LRBA: variants seen among roughly 807,000 people sequenced by gnomAD.
LRBA encodes lipopolysaccharide-responsive and beige-like anchor protein.
LRBA carries 176 observed loss-of-function variants against 330.0 expected under a neutral mutation model. The ratio of observed to expected loss-of-function variants is 0.53; its 90% CI spans 0.47 to 0.60. LRBA has a LOEUF of 0.60. Among genes scored for constraint, LRBA ranks in the 20% least tolerant of loss-of-function variants. LRBA has a pLI of 0.00. For synonymous variants in LRBA, 1,230 were observed against 1,193.0 expected, an observed-to-expected ratio of 1.03 and a Z score of -0.64; for missense variants, 3,259 against 3,444.8, an observed-to-expected ratio of 0.95 and a Z score of 1.35.
At chr4:150,544,193 T>A (rs1765611735) in intron 40 of LRBA, among the ~76,000 whole-genome samples, 1 of 151,952 alleles carries the variant, frequency 6.6e-6, no homozygotes, top group African/African-American at 2.4e-5. Flanking sequence ...AGTGGTACGA[T>A]CTCGGCTCAC....
At chr4:150,927,508 A>G (rs1315993750) in intron 4 of LRBA, among the ~76,000 whole-genome samples, 1 of 152,184 alleles carries the variant, frequency 6.6e-6, no homozygotes, top group Admixed American at 6.5e-5. Context: ...AATAAAGCAC[A>G]AAAAGATTAA....
chr4:150,726,986 A>C (rs1056106673), intron 36 of LRBA, among the ~76,000 whole-genome samples: 2 of 151,618 alleles, frequency 1.3e-5, no homozygotes, highest in Non-Finnish European at 2.9e-5. Flanking sequence ...GGACAAAAAA[A>C]AAAAAATCAA....
intron 40 of LRBA, among the ~76,000 whole-genome samples, chr4:150,505,646 C>A (rs1760962895): frequency 6.6e-6 from 1 of 152,290 alleles, no homozygotes; most frequent in East Asian, 1.9e-4. Context: ...CTAAAATTCA[C>A]ACCCTAACAT....
intron 36 of LRBA, among the ~76,000 whole-genome samples, chr4:150,708,983 A>T (rs1212736356): frequency 6.6e-6 from 1 of 151,790 alleles, no homozygotes; most frequent in Non-Finnish European, 1.5e-5. Context: ...CATGACCTTT[A>T]AATTCTACAC....
At chr4:150,320,910 C>T (rs147486213) in intron 50 of LRBA, among the ~76,000 whole-genome samples, 1 of 152,068 alleles carries the variant, frequency 6.6e-6, no homozygotes, top group East Asian at 1.9e-4. Flanking sequence ...TGTTTATGGA[C>T]ATAATATAGA....
At chr4:150,643,847 C>T (rs1223508570) in intron 37 of LRBA, among the ~76,000 whole-genome samples, 2 of 151,862 alleles carry the variant, frequency 1.3e-5, no homozygotes, top group Non-Finnish European at 2.9e-5. Context: ...CATATCTAAG[C>T]TTCCATGAAT....
chr4:150,275,322 C>A (rs1746611956), intron 56 of LRBA, among the ~76,000 whole-genome samples: 1 of 108,634 alleles, frequency 9.2e-6, no homozygotes, highest in Non-Finnish European at 2.0e-5. Flanking sequence ...CAGCCAATAT[C>A]ATACTGAATG....
intron 52 of LRBA, among the ~76,000 whole-genome samples, chr4:150,306,279 T>G (rs1730346404): frequency 7.0e-6 from 1 of 142,330 alleles, no homozygotes; most frequent in African/African-American, 2.5e-5. Context: ...AAGAGAAGGA[T>G]TTTTTTTTTT....
At chr4:150,422,181 G>A (rs567787170) in intron 46 of LRBA, among the ~76,000 whole-genome samples, 2 of 152,254 alleles carry the variant, frequency 1.3e-5, no homozygotes, top group African/African-American at 2.4e-5. Flanking sequence ...GACTGCTTGA[G>A]CCTGGGAGGG....
At chr4:150,956,197 C>T (rs1435395548) in intron 2 of LRBA, among the ~76,000 whole-genome samples, 1 of 148,834 alleles carries the variant, frequency 6.7e-6, no homozygotes, top group Non-Finnish European at 1.5e-5. Context: ...GAGTGCATTA[C>T]TACCAACCTT....
intron 40 of LRBA, among the ~76,000 whole-genome samples, chr4:150,527,302 T>G (rs1763582673): frequency 6.6e-6 from 1 of 152,186 alleles, no homozygotes; most frequent in Non-Finnish European, 1.5e-5. Flanking sequence ...GCTCTGTACC[T>G]GAGGGAAGTA....
chr4:150,586,115 C>A (rs1457830184), intron 40 of LRBA, among the ~76,000 whole-genome samples: 1 of 152,056 alleles, frequency 6.6e-6, no homozygotes. Context: ...ATTATAAAAA[C>A]CAATTTATTC....
chr4:150,803,750 T>C (rs1353232643), intron 33 of LRBA, among the ~76,000 whole-genome samples: 1 of 152,200 alleles, frequency 6.6e-6, no homozygotes, highest in Non-Finnish European at 1.5e-5. Flanking sequence ...TTGTTTGCTA[T>C]TTTTATGAAC....
At chr4:150,864,251 T>G (rs904963467) in intron 22 of LRBA, among the ~76,000 whole-genome samples, 1 of 152,096 alleles carries the variant, frequency 6.6e-6, no homozygotes, top group Non-Finnish European at 1.5e-5. Flanking sequence ...TTTACATTCT[T>G]AAAAAGTATT....
intron 47 of LRBA, among the ~76,000 whole-genome samples, chr4:150,412,876 A>G (rs1473007972): frequency 6.6e-6 from 1 of 151,324 alleles, no homozygotes; most frequent in African/African-American, 2.4e-5. Context: ...TCTAATATTT[A>G]GTTAAAACAT....
At chr4:150,819,798 G>A (rs1436847906) in intron 30 of LRBA, among the ~76,000 whole-genome samples, 1 of 152,096 alleles carries the variant, frequency 6.6e-6, no homozygotes, top group Non-Finnish European at 1.5e-5. Context: ...GCCTCTTGCT[G>A]TTAATGTTTC....
At chr4:150,518,900 G>T (rs549543790) in intron 40 of LRBA, among the ~76,000 whole-genome samples, 1 of 151,970 alleles carries the variant, frequency 6.6e-6, no homozygotes, top group Non-Finnish European at 1.5e-5. Context: ...GGGTACTGTG[G>T]GTTTGTTTGC....
intron 26 of LRBA, among the ~76,000 whole-genome samples, chr4:150,846,186 G>C (rs1042609963): frequency 1.3e-5 from 2 of 152,172 alleles, no homozygotes; most frequent in Non-Finnish European, 2.9e-5. Context: ...TCACTTATAA[G>C]TGGGAGCTAA....
At chr4:150,938,510 A>G (rs1475485440) in intron 2 of LRBA, among the ~76,000 whole-genome samples, 1 of 152,038 alleles carries the variant, frequency 6.6e-6, no homozygotes. Flanking sequence ...AAAAGATCTC[A>G]CTCTCCAGCT....
Sources: gnomAD v4.1 joint callset for allele counts (sites outside exome capture counted in the v4.1 genomes callset) on GRCh38, gnomAD v4.1.1 for gene constraint, MANE v1.5 for transcripts, NCBI Gene and HGNC (gene_info 2026-07-23, HGNC 2026-07-21) for gene names.